The following SLC12A7 variants were observed in gnomAD, a reference collection of about 807,000 sequenced individuals.
The protein encoded by SLC12A7 is solute carrier family 12 member 7, also known as K-Cl cotransporter 4.
In SLC12A7, 100 loss-of-function variants were observed where a neutral mutation model predicts 120.6. The ratio of observed to expected loss-of-function variants is 0.83; its 90% confidence interval spans 0.71 to 0.98. The LOEUF (loss-of-function observed/expected upper bound fraction) is 0.98, where lower values mean the gene tolerates loss of function less well. SLC12A7 is among the 50% of genes least tolerant of loss of function. The pLI is 0.00. For synonymous variants in SLC12A7, 760 were observed against 678.0 expected (o/e 1.12, Z -1.88); for missense variants, 1,373 against 1,548.1 (o/e 0.89, Z 1.90).
At chr5:1,088,856 A>T in intron 4 of SLC12A7, 126 bp downstream of exon 4, 1 of 1,251,068 alleles carries the variant, frequency 8.0e-7, no homozygotes, top group Non-Finnish European at 1.1e-6. Flanking sequence ...GGAGGGCCCT[A>T]CTGTCCGGCT....
chr5:1,113,469 T>A (rs1163028482), upstream of SLC12A7, among the ~76,000 whole-genome samples: 1 of 152,200 alleles, frequency 6.6e-6, no homozygotes, highest in Non-Finnish European at 1.5e-5. Context: ...CCCCATGGAC[T>A]CTTCTGGGCA....
rs1737981824 is a variant in SLC12A7, at chr5:1,073,720, C to T, written c.2154G>A (p.Leu718=). 1 of 1,580,296 alleles carries T rather than the reference C, an allele frequency of 6.3e-7. No individual in the cohort carries two copies. Among genetic ancestry groups the T allele is most frequent in the African/African-American group, 1.4e-5 (1 of 73,228 alleles). ...HPRLLSFTSQ[L]KAGKGLTIVG... is the part of the protein sequence containing the mutation. ...CGATGGTCAGGCCCTTGCCGGCCTTCAGCTGCGACGTGAAGGACAGCAGGC... is the reference window on the plus strand; with the variant it reads ...CGATGGTCAGGCCCTTGCCGGCCTTTAGCTGCGACGTGAAGGACAGCAGGC... The change falls in exon 17 of 24, where the codon CTG becomes CTA. Residue 718 remains leucine, a synonymous_variant. Transcript: ENST00000264930.
chr5:1,092,084 C>G (rs981977845), intron 3 of SLC12A7, among the ~76,000 whole-genome samples: 2 of 152,262 alleles, frequency 1.3e-5, no homozygotes, highest in Non-Finnish European at 2.9e-5. Flanking sequence ...GGTGGTCTCA[C>G]GGTCACGTCC....
chr5:1,078,032 G>T, intron 11 of SLC12A7, 25 bp from the exon 12 acceptor site: 1 of 1,538,102 alleles, frequency 6.5e-7, no homozygotes, highest in Non-Finnish European at 8.8e-7. Context: ...GCAGGCGGGC[G>T]GGCGGCTTTC....
chr5:1,058,113 C>A (rs1456632893), intron 21 of SLC12A7, among the ~76,000 whole-genome samples: 4 of 152,310 alleles, frequency 2.6e-5, no homozygotes, highest in South Asian at 2.1e-4. Flanking sequence ...AGCCAGGGGA[C>A]GTTTGGGGGC....
the SLC12A7 span, among the ~76,000 whole-genome samples, chr5:1,142,250 G>C: frequency 2.1e-5 from 3 of 141,416 alleles, no homozygotes; most frequent in African/African-American, 9.2e-5. Context: ...TCAGGAGGAA[G>C]AAAACCTCCC....
intron 1 of SLC12A7, among the ~76,000 whole-genome samples, chr5:1,099,587 C>G (rs1440880027): frequency 6.6e-6 from 1 of 152,188 alleles, no homozygotes; most frequent in African/African-American, 2.4e-5. Flanking sequence ...CTCCACAAAA[C>G]TCGCCTCCCC....
chr5:1,111,720 G>A (rs1358346148), intron 1 of SLC12A7, 148 bp downstream of exon 1: 1 of 838,924 alleles, frequency 1.2e-6, no homozygotes, highest in Non-Finnish European at 1.5e-6. Context: ...GGGGGCCCTC[G>A]TGGGGGACCG....
chr5:1,141,651 A>T, the SLC12A7 span, among the ~76,000 whole-genome samples: 3 of 152,162 alleles, frequency 2.0e-5, no homozygotes, highest in Non-Finnish European at 2.9e-5. Context: ...TTAAGTTAAA[A>T]TTTTTTTTAA....
Position 1,081,563 on chromosome 5 carries a change from A to G in SLC12A7, c.1297+14T>C, listed in dbSNP as rs1238175623. 4 of 1,593,988 alleles carry G rather than the reference A, an allele frequency of 2.5e-6. No homozygotes were observed. Among genetic ancestry groups the G allele is most frequent in the Non-Finnish European group, 3.4e-6 (4 of 1,164,960 alleles). On this transcript the variant is annotated intron_variant, in intron 9 of 23. Coordinates refer to ENST00000264930, the MANE Select transcript of SLC12A7 (RefSeq NM_006598.3). ...GAAAGAAAGAGAAGGGGAAGCCTGG[A>G]GCAGCGGGCTCACCGGTCACGGAAG...
chr5:1,142,442 C>T, the SLC12A7 span, among the ~76,000 whole-genome samples: 1 of 48,730 alleles, frequency 2.1e-5, no homozygotes, highest in Non-Finnish European at 4.0e-5. Context: ...TTCGCTGTCC[C>T]CTCCCCTCTC....
chr5:1,125,237 G>A, the SLC12A7 span, among the ~76,000 whole-genome samples: 14 of 151,364 alleles, frequency 9.2e-5, no homozygotes, highest in African/African-American at 1.7e-4. Context: ...AGAGTGAGCC[G>A]TGATCGGAAT....
intron 17 of SLC12A7, among the ~76,000 whole-genome samples, chr5:1,073,286 C>CAGCCCCCAGTGAGCCCCCAGCACACGGGT (rs1561055295): frequency 3.9e-5 from 5 of 126,976 alleles, no homozygotes; most frequent in Non-Finnish European, 7.2e-5. Context: ...AGCACACGGG[C>CAGCCCCCAGTGAGCCCCCAGCACACGGGT]ATCACACTTA....
intron 17 of SLC12A7, among the ~76,000 whole-genome samples, chr5:1,067,908 G>A (rs1271592298): frequency 6.7e-6 from 1 of 150,246 alleles, no homozygotes; most frequent in Non-Finnish European, 1.5e-5. Flanking sequence ...CGGGGACCCT[G>A]TTATCACAAG....
chr5:1,140,456 G>A, the SLC12A7 span, among the ~76,000 whole-genome samples: 1 of 152,064 alleles, frequency 6.6e-6, no homozygotes, highest in African/African-American at 2.4e-5. Context: ...GCTCCAGCGA[G>A]GCGGTGCTCC....
In SLC12A7 at chr5:1,065,278, C is replaced by A; in HGVS notation, c.2437+5G>T. 1 of 1,553,576 alleles carries A rather than the reference C, an allele frequency of 6.4e-7. No homozygotes were observed. The highest frequency in any genetic ancestry group is 8.7e-7 in the Non-Finnish European group (1 of 1,145,646). On this transcript the variant is annotated splice_donor_5th_base_variant and intron_variant, in intron 18 of 23. Transcript: ENST00000264930. ...GGATGCCGAAGGGCCGCCAGCCATG[C>A]CTACCCACAAAGTTCTTCCAGGAGA... is the stretch of plus-strand genomic sequence containing the variant.
At chr5:1,115,895 C>T (rs892826471), upstream of SLC12A7, among the ~76,000 whole-genome samples, 3 of 135,376 alleles carry the variant, frequency 2.2e-5, no homozygotes, top group East Asian at 2.0e-4. Flanking sequence ...GGAAGGGAGG[C>T]CCCAGTTACC....
At chr5:1,107,189 TCAGCCTTCTTTGAGAAGAAAA>T (rs1352132724) in intron 1 of SLC12A7, among the ~76,000 whole-genome samples, 1 of 152,278 alleles carries the variant, frequency 6.6e-6, no homozygotes, top group Non-Finnish European at 1.5e-5. Flanking sequence ...ATTCAAGTTC[TCAGCCTTCTTTGAGAAGAAAA>T]GCCGGACCAC....
the SLC12A7 span, among the ~76,000 whole-genome samples, chr5:1,148,233 G>A: frequency 2.4e-4 from 30 of 125,150 alleles, no homozygotes; most frequent in Admixed American, 4.0e-4. Context: ...TTGAGATGGC[G>A]TCTCGCTCTG....
Sources: gnomAD v4.1 joint callset for allele counts (sites outside exome capture counted in the v4.1 genomes callset) on GRCh38, gnomAD v4.1.1 for gene constraint, MANE v1.5 for transcripts, NCBI Gene and HGNC (gene_info 2026-07-23, HGNC 2026-07-21) for gene names.